The following PRR16 variants were observed in gnomAD, a reference collection of about 807,000 sequenced individuals.
PRR16 encodes protein Largen.
A neutral mutation model predicts 18.2 loss-of-function variants in PRR16; 6 were observed. The ratio of observed to expected loss-of-function variants is 0.33; its 90% CI spans 0.18 to 0.65. PRR16 has a LOEUF of 0.65. Ranked by LOEUF, PRR16 falls within the 30% of genes least tolerant of loss-of-function variation. The probability of loss-of-function intolerance (pLI) is 0.74; values close to 1 mark genes in which losing one functional copy is unlikely to be tolerated. For synonymous variants in PRR16, 151 were observed against 147.8 expected, an observed-to-expected ratio of 1.02 and a Z score of -0.16; for missense variants, 412 against 376.6, an observed-to-expected ratio of 1.09 and a Z score of -0.78.
the PRR16 span, among the ~76,000 whole-genome samples, chr5:120,772,455 C>T: frequency 6.6e-6 from 1 of 151,960 alleles, no homozygotes; most frequent in Admixed American, 6.6e-5. Context: ...GTGATTGTGG[C>T]CATCAGTAAT....
chr5:120,620,130 T>A (rs971900612), intron 1 of PRR16, among the ~76,000 whole-genome samples: 4 of 152,278 alleles, frequency 2.6e-5, no homozygotes, highest in Admixed American at 2.6e-4. Context: ...TAAAGTTTGG[T>A]GTTTCTGTGA....
At chr5:120,779,052 A>AT in the PRR16 span, among the ~76,000 whole-genome samples, 2 of 152,202 alleles carry the variant, frequency 1.3e-5, no homozygotes, top group Non-Finnish European at 2.9e-5. Flanking sequence ...AAATGATGTC[A>AT]TTCTTCCAGC....
chr5:120,703,205 C>T, the PRR16 span, among the ~76,000 whole-genome samples: 4 of 152,094 alleles, frequency 2.6e-5, no homozygotes, highest in South Asian at 8.3e-4. Flanking sequence ...CCAGGATGAG[C>T]CAGGAAAAGG....
the PRR16 span, among the ~76,000 whole-genome samples, chr5:120,753,976 A>G: frequency 8.2e-6 from 1 of 122,448 alleles, no homozygotes; most frequent in Non-Finnish European, 1.6e-5. Context: ...TATGTTATAT[A>G]ATATAATATA....
intron 1 of PRR16, among the ~76,000 whole-genome samples, chr5:120,668,814 C>T (rs1018721753): frequency 5.9e-5 from 9 of 152,114 alleles, no homozygotes; most frequent in African/African-American, 9.7e-5. Context: ...GAGTTTCTGC[C>T]GAGAGATCAG....
chr5:120,598,286 T>C (rs1251850274), intron 1 of PRR16, among the ~76,000 whole-genome samples: 1 of 151,890 alleles, frequency 6.6e-6, no homozygotes, highest in African/African-American at 2.4e-5. Flanking sequence ...ATGTAGGCAA[T>C]TTTTGTTAGT....
At chr5:120,689,664 A>G (rs1757187268), downstream of PRR16, among the ~76,000 whole-genome samples, 1 of 152,166 alleles carries the variant, frequency 6.6e-6, no homozygotes, top group African/African-American at 2.4e-5. Context: ...TTCATTTTAA[A>G]TAAAATAATG....
At chr5:120,653,179 G>T (rs905297264) in intron 1 of PRR16, among the ~76,000 whole-genome samples, 5 of 151,822 alleles carry the variant, frequency 3.3e-5, no homozygotes, top group African/African-American at 1.2e-4. Flanking sequence ...TTCTGGGAGG[G>T]CCTGTGGTAT....
At chr5:120,470,799 A>T (rs1268352067) in intron 1 of PRR16, among the ~76,000 whole-genome samples, 2 of 152,168 alleles carry the variant, frequency 1.3e-5, no homozygotes. Flanking sequence ...CCGAGATAGT[A>T]AGTCATTTGC....
intron 1 of PRR16, among the ~76,000 whole-genome samples, chr5:120,597,747 G>T (rs1200074537): frequency 6.6e-6 from 1 of 151,780 alleles, no homozygotes. Flanking sequence ...TTCCAAATCT[G>T]TAAGGCTCAG....
At chr5:120,588,538 A>G (rs752880953) in intron 1 of PRR16, among the ~76,000 whole-genome samples, 7 of 152,224 alleles carry the variant, frequency 4.6e-5, no homozygotes, top group Non-Finnish European at 1.0e-4. Flanking sequence ...TCAGATGACC[A>G]TTAACATTTT....
At chr5:120,534,407 T>C (rs1751649304) in intron 1 of PRR16, among the ~76,000 whole-genome samples, 1 of 152,186 alleles carries the variant, frequency 6.6e-6, no homozygotes, top group Non-Finnish European at 1.5e-5. Flanking sequence ...ATAAGGGATA[T>C]AAATGTGATA....
chr5:120,784,410 G>A, the PRR16 span, among the ~76,000 whole-genome samples: 1 of 152,144 alleles, frequency 6.6e-6, no homozygotes, highest in Non-Finnish European at 1.5e-5. Flanking sequence ...TAACTGGAGT[G>A]AAATGATATC....
chr5:120,588,559 G>A (rs915009994), intron 1 of PRR16, among the ~76,000 whole-genome samples: 10 of 152,112 alleles, frequency 6.6e-5, no homozygotes, highest in Non-Finnish European at 1.5e-4. Context: ...TAGAAATAAA[G>A]TATTTTTAAT....
chr5:120,505,508 G>T (rs894934873), intron 1 of PRR16, among the ~76,000 whole-genome samples: 1 of 152,118 alleles, frequency 6.6e-6, no homozygotes, highest in Non-Finnish European at 1.5e-5. Flanking sequence ...TGAAATTCCA[G>T]AACTTGTTTC....
chr5:120,528,407 T>G (rs574059043), intron 1 of PRR16, among the ~76,000 whole-genome samples: 37 of 152,244 alleles, frequency 2.4e-4, no homozygotes, highest in African/African-American at 8.9e-4. Flanking sequence ...TTTGTAGGAC[T>G]CAAGATACTG....
chr5:120,753,930 A>G, the PRR16 span, among the ~76,000 whole-genome samples: 2 of 14,144 alleles, frequency 1.4e-4, no homozygotes, highest in Non-Finnish European at 6.8e-4. Context: ...GTATATAAAT[A>G]TTATATATAA....
chr5:120,554,217 A>G (rs568010047), intron 1 of PRR16, among the ~76,000 whole-genome samples: 5 of 151,876 alleles, frequency 3.3e-5, no homozygotes, highest in African/African-American at 9.6e-5. Flanking sequence ...TTGCCAATAT[A>G]CTCTGTGCTT....
the PRR16 span, among the ~76,000 whole-genome samples, chr5:120,782,093 A>C: frequency 6.6e-6 from 1 of 152,170 alleles, no homozygotes; most frequent in African/African-American, 2.4e-5. Context: ...GTGACTCTTG[A>C]ATGAAAAAAC....
Sources: allele counts gnomAD v4.1 joint callset (sites outside exome capture counted in the v4.1 genomes callset), GRCh38; gene constraint gnomAD v4.1.1; transcripts MANE v1.5; gene names NCBI Gene and HGNC (gene_info 2026-07-23, HGNC 2026-07-21).